The following TENM3 variants were observed in gnomAD, a reference collection of about 807,000 sequenced individuals.
TENM3 encodes the protein teneurin-3.
TENM3 carries 63 observed loss-of-function variants against 255.1 expected under a neutral mutation model. That is an observed-to-expected ratio of 0.25 (90% CI 0.20 to 0.30). The LOEUF (loss-of-function observed/expected upper bound fraction) is 0.30, where lower values mean the gene tolerates loss of function less well. Among genes scored for constraint, TENM3 ranks in the 10% least tolerant of loss-of-function variants. The pLI is 1.00. For synonymous variants in TENM3, 1,306 were observed against 1,322.3 expected (o/e 0.99, Z 0.27); for missense variants, 2,929 against 3,461.1 (o/e 0.85, Z 3.86).
the TENM3 span, among the ~76,000 whole-genome samples, chr4:181,607,557 A>G: frequency 6.6e-6 from 1 of 151,854 alleles, no homozygotes; most frequent in South Asian, 2.1e-4. Context: ...TGAGATTACC[A>G]TGCCCAGCTA....
At chr4:181,976,874 A>G in the TENM3 span, among the ~76,000 whole-genome samples, 1 of 152,210 alleles carries the variant, frequency 6.6e-6, no homozygotes, top group Non-Finnish European at 1.5e-5. Flanking sequence ...GAACCGACAA[A>G]TGTGATTCAG....
intron 3 of TENM3, among the ~76,000 whole-genome samples, chr4:182,528,575 T>G (rs559914940): frequency 6.6e-6 from 1 of 152,116 alleles, no homozygotes; most frequent in South Asian, 2.1e-4. Flanking sequence ...CAAACAGGAG[T>G]CTCATTTATT....
intron 1 of TENM3, among the ~76,000 whole-genome samples, chr4:182,282,784 T>C (rs1760470706): frequency 6.6e-6 from 1 of 151,582 alleles, no homozygotes; most frequent in Non-Finnish European, 1.5e-5. Context: ...TCCCAGCTAC[T>C]TGGGAGGCTG....
intron 3 of TENM3, among the ~76,000 whole-genome samples, chr4:182,598,220 T>C (rs1747471239): frequency 6.6e-6 from 1 of 152,190 alleles, no homozygotes; most frequent in South Asian, 2.1e-4. Flanking sequence ...TTTCCGGCCA[T>C]CCACCCTATA....
At chr4:182,499,578 C>T (rs1187985337) in intron 3 of TENM3, among the ~76,000 whole-genome samples, 1 of 152,152 alleles carries the variant, frequency 6.6e-6, no homozygotes, top group Non-Finnish European at 1.5e-5. Context: ...GCCTCTTTTC[C>T]TGTTCCTTTT....
the TENM3 span, among the ~76,000 whole-genome samples, chr4:181,847,455 G>T: frequency 6.6e-6 from 1 of 151,890 alleles, no homozygotes; most frequent in Admixed American, 6.6e-5. Context: ...CTACTTATGG[G>T]CTTTCTATGA....
At chr4:182,445,518 G>A (rs1772844675) in intron 3 of TENM3, among the ~76,000 whole-genome samples, 1 of 152,088 alleles carries the variant, frequency 6.6e-6, no homozygotes, top group South Asian at 2.1e-4. Flanking sequence ...TTTCTTCAAG[G>A]TTTTTGTCCT....
At chr4:182,657,096 A>T (rs1176933711) in intron 6 of TENM3, among the ~76,000 whole-genome samples, 1 of 152,236 alleles carries the variant, frequency 6.6e-6, no homozygotes. Flanking sequence ...TACTGGAAAG[A>T]ATCACACAGT....
the TENM3 span, among the ~76,000 whole-genome samples, chr4:181,967,793 CAG>C: frequency 4.6e-5 from 7 of 152,248 alleles, no homozygotes; most frequent in African/African-American, 1.7e-4. Context: ...TCTCCCAACT[CAG>C]AGCCACCGAC....
At chr4:181,783,587 A>C in the TENM3 span, among the ~76,000 whole-genome samples, 2 of 152,180 alleles carry the variant, frequency 1.3e-5, no homozygotes, top group African/African-American at 4.8e-5. Flanking sequence ...GTTCCATGAA[A>C]ATTTTATCAG....
the TENM3 span, among the ~76,000 whole-genome samples, chr4:181,931,541 C>A: frequency 6.6e-6 from 1 of 152,170 alleles, no homozygotes; most frequent in Admixed American, 6.5e-5. Context: ...GAAAAACATT[C>A]CATGCTCATG....
At chr4:182,699,639 G>A (rs534655530) in intron 12 of TENM3, among the ~76,000 whole-genome samples, 29 of 152,182 alleles carry the variant, frequency 1.9e-4, no homozygotes, top group Non-Finnish European at 3.7e-4. Context: ...TTCTGAAACC[G>A]CATGCCTCAT....
At chr4:181,827,598 T>C in the TENM3 span, among the ~76,000 whole-genome samples, 1 of 152,228 alleles carries the variant, frequency 6.6e-6, no homozygotes, top group East Asian at 1.9e-4. Context: ...CTGAAGCTCT[T>C]GCCTCCCTGA....
At chr4:182,679,954 C>A in intron 8 of TENM3, 78 bp downstream of exon 8, 1 of 1,285,144 alleles carries the variant, frequency 7.8e-7, no homozygotes, top group Non-Finnish European at 1.1e-6. Context: ...ATTATCTGTA[C>A]CAATTTGGGG....
At chr4:182,496,489 A>G (rs573186540) in intron 3 of TENM3, among the ~76,000 whole-genome samples, 2 of 151,280 alleles carry the variant, frequency 1.3e-5, no homozygotes, top group South Asian at 2.1e-4. Context: ...TTGGGTTAGT[A>G]TTTGTTGTCT....
intron 3 of TENM3, among the ~76,000 whole-genome samples, chr4:182,372,835 C>T (rs1750241912): frequency 6.6e-6 from 1 of 152,170 alleles, no homozygotes; most frequent in African/African-American, 2.4e-5. Flanking sequence ...CTCAACTGAT[C>T]CTCCCACCTC....
At chr4:181,640,675 A>G in the TENM3 span, among the ~76,000 whole-genome samples, 1 of 152,036 alleles carries the variant, frequency 6.6e-6, no homozygotes, top group East Asian at 1.9e-4. Flanking sequence ...CTGTGCACCT[A>G]AGTCACCCAG....
At chr4:181,925,596 C>A in the TENM3 span, among the ~76,000 whole-genome samples, 1 of 152,258 alleles carries the variant, frequency 6.6e-6, no homozygotes, top group South Asian at 2.1e-4. Flanking sequence ...ATTTAACAAA[C>A]AATAAAGTCA....
At chr4:181,455,480 T>A in the TENM3 span, among the ~76,000 whole-genome samples, 6 of 152,128 alleles carry the variant, frequency 3.9e-5, no homozygotes, top group African/African-American at 1.4e-4. Flanking sequence ...TCTAAACACA[T>A]ATTTAAAAGA....
Sources: allele counts gnomAD v4.1 joint callset (sites outside exome capture counted in the v4.1 genomes callset), GRCh38; gene constraint gnomAD v4.1.1; transcripts MANE v1.5; gene names NCBI Gene and HGNC (gene_info 2026-07-23, HGNC 2026-07-21).